ARF4: variants seen among roughly 807,000 people sequenced by gnomAD.
ARF4 encodes ARF GTPase 4, also known as ADP-ribosylation factor 4.
A neutral mutation model predicts 24.3 loss-of-function variants in ARF4; 5 were observed. That is an observed-to-expected ratio of 0.21 (90% CI 0.11 to 0.43). The LOEUF (loss-of-function observed/expected upper bound fraction) is 0.43. Ranked by LOEUF, ARF4 falls within the 20% of genes least tolerant of loss-of-function variation. ARF4 has a pLI of 1.00. For missense variants in ARF4, 107 were observed against 213.0 expected (o/e 0.50, Z 3.10); for synonymous variants, 62 against 73.5 (o/e 0.84, Z 0.80).
intron 5 of ARF4, among the ~76,000 whole-genome samples, chr3:57,572,727 C>CCCT (rs1170506496): frequency 6.6e-6 from 1 of 152,056 alleles, no homozygotes; most frequent in African/African-American, 2.4e-5. Context: ...AGATTTTCCC[C>CCCT]CCTCATTCAG....
At chr3:57,596,912 C>A (rs2070195754) in intron 1 of ARF4, 162 bp downstream of exon 1, 2 of 692,786 alleles carry the variant, frequency 2.9e-6, no homozygotes, top group Non-Finnish European at 4.8e-6. Context: ...GGATCGCTCA[C>A]CCTCCGCTCC....
At chr3:57,575,083 C>G (rs2069887609) in intron 5 of ARF4, among the ~76,000 whole-genome samples, 1 of 151,558 alleles carries the variant, frequency 6.6e-6, no homozygotes. Context: ...CTCCCGACCT[C>G]AGATGATCTG....
At position 57,572,227 on chromosome 3, in the gene ARF4, C is replaced by T. The variant is rs1370778754; in HGVS notation, c.528G>A (p.Glu176=). The T allele has an allele frequency of 1.2e-6, 2 of 1,613,882 alleles. No individual in the cohort carries two copies. Among genetic ancestry groups the T allele is most frequent in the East Asian group, 2.2e-5 (1 of 44,888 alleles). Residue 176 remains glutamate (E), a synonymous_variant, in exon 6 of 6, where the codon GAG becomes GAA. Transcript: ENST00000303436. ...CCAATTTCATTTAACGTTTTGAAAG[C>T]TCATTTGACAGCCAGTCAAGTCCTT... ...LYEGLDWLSN[E]LSKR
intron 5 of ARF4, among the ~76,000 whole-genome samples, chr3:57,574,194 C>A (rs2069876565): frequency 6.6e-6 from 1 of 152,130 alleles, no homozygotes. Context: ...CCACCTCAGC[C>A]TCCTAAAGTG....
chr3:57,581,805 C>T (rs2069975877), intron 3 of ARF4, among the ~76,000 whole-genome samples: 1 of 152,078 alleles, frequency 6.6e-6, no homozygotes, highest in Non-Finnish European at 1.5e-5. Context: ...AAAAAATAAA[C>T]AAACTGTCTA....
At position 57,577,449 on chromosome 3, in the gene ARF4, G is replaced by A; in HGVS notation, c.259-62C>T. ...AACGACACTCTCTATATGAAACAGTGTAGGCAGCAAAATGGTACCAATGGT... is the reference window on the plus strand; with the variant it reads ...AACGACACTCTCTATATGAAACAGTATAGGCAGCAAAATGGTACCAATGGT... On this transcript the variant is annotated intron_variant, in intron 3 of 5. Transcript: ENST00000303436. 2.2e-6 allele frequency: 3 copies of A among 1,344,826 alleles called. No homozygotes were observed. The South Asian group carries it at 3.6e-5, about 16-fold the overall frequency. 83.3% of individuals were successfully genotyped at this position (1,344,826 alleles called of 1,614,324 possible). A position where few individuals can be genotyped will look rare whatever the true frequency, so the allele number is the denominator to read the frequency against.
At chr3:57,582,905 G>C (rs1393527784) in intron 3 of ARF4, among the ~76,000 whole-genome samples, 1 of 152,254 alleles carries the variant, frequency 6.6e-6, no homozygotes, top group Non-Finnish European at 1.5e-5. Context: ...ATGTAAGAGA[G>C]TTAGATTAGA....
At chr3:57,596,807 T>A (rs1011458950) in intron 1 of ARF4, 4 of 444,804 alleles carry the variant, frequency 9.0e-6, no homozygotes, top group African/African-American at 8.1e-5. Flanking sequence ...GTTGTCCAGC[T>A]TTCAATAAGA....
chr3:57,583,214 T>G (rs1472844916), intron 3 of ARF4, among the ~76,000 whole-genome samples: 1 of 152,204 alleles, frequency 6.6e-6, no homozygotes, highest in Non-Finnish European at 1.5e-5. Flanking sequence ...ATGGACTCAA[T>G]GTGTATTTTT....
chr3:57,574,560 C>G (rs2069880517), intron 5 of ARF4, among the ~76,000 whole-genome samples: 4 of 152,056 alleles, frequency 2.6e-5, no homozygotes, highest in Admixed American at 1.3e-4. Context: ...AAGGCACATG[C>G]CACCACACCC....
chr3:57,590,878 G>A (rs1559787184), intron 1 of ARF4, among the ~76,000 whole-genome samples: 2 of 152,110 alleles, frequency 1.3e-5, no homozygotes, highest in Non-Finnish European at 2.9e-5. Flanking sequence ...ATGAGGTCTT[G>A]CCATGGTATG....
intron 3 of ARF4, among the ~76,000 whole-genome samples, chr3:57,583,520 G>GT (rs2070000943): frequency 6.6e-6 from 1 of 152,118 alleles, no homozygotes; most frequent in African/African-American, 2.4e-5. Context: ...AAGTAAACAA[G>GT]TAACTGGGCT....
chr3:57,594,480 T>C (rs749637708), intron 1 of ARF4, among the ~76,000 whole-genome samples: 2 of 152,234 alleles, frequency 1.3e-5, no homozygotes, highest in Non-Finnish European at 2.9e-5. Flanking sequence ...TGTCAATCAA[T>C]AGTTCAGATG....
intron 4 of ARF4, among the ~76,000 whole-genome samples, chr3:57,576,997 A>G (rs1465366008): frequency 6.6e-6 from 1 of 151,818 alleles, no homozygotes; most frequent in Non-Finnish European, 1.5e-5. Flanking sequence ...TAAGGGACTG[A>G]GCTAAATCAG....
At chr3:57,584,324 A>T in intron 2 of ARF4, 60 bp downstream of exon 2, 2 of 1,343,106 alleles carry the variant, frequency 1.5e-6, no homozygotes, top group Non-Finnish European at 2.1e-6. Context: ...TCAAAACTAG[A>T]CTGTATATAT....
chr3:57,588,574 T>C (rs1355540397), intron 1 of ARF4, among the ~76,000 whole-genome samples: 1 of 140,612 alleles, frequency 7.1e-6, no homozygotes, highest in Non-Finnish European at 1.5e-5. Context: ...CAGGTGTGAG[T>C]GGGGCACAGT....
chr3:57,584,351 T>C (rs188811931), intron 2 of ARF4, 33 bp downstream of exon 2: 3 of 1,477,922 alleles, frequency 2.0e-6, no homozygotes, highest in Non-Finnish European at 9.4e-7. Flanking sequence ...TTACAACATA[T>C]CATGATATAA....
intron 3 of ARF4, among the ~76,000 whole-genome samples, chr3:57,580,639 G>A (rs2069958917): frequency 6.6e-6 from 1 of 151,670 alleles, no homozygotes. Flanking sequence ...AGTGATCCTC[G>A]TATCATGGCC....
chr3:57,587,319 C>CAA (rs56787111), intron 1 of ARF4, among the ~76,000 whole-genome samples: 663 of 43,366 alleles, frequency 0.015, 10 homozygotes, highest in African/African-American at 0.041. Flanking sequence ...AACTCAGTCT[C>CAA]AAAAAAAAAA....
Sources: allele counts gnomAD v4.1 joint callset (sites outside exome capture counted in the v4.1 genomes callset), GRCh38; gene constraint gnomAD v4.1.1; transcripts MANE v1.5; gene names NCBI Gene and HGNC (gene_info 2026-07-23, HGNC 2026-07-21).